Variants in HS6ST3 observed in about 807,000 individuals in gnomAD.
HS6ST3 encodes the protein heparan-sulfate 6-O-sulfotransferase 3.
HS6ST3 carries 12 observed loss-of-function variants against 36.7 expected under a neutral mutation model. The ratio of observed to expected loss-of-function variants is 0.33; its 90% CI spans 0.21 to 0.53. The LOEUF (loss-of-function observed/expected upper bound fraction) is 0.53, where lower values mean the gene tolerates loss of function less well. Ranked by LOEUF, HS6ST3 falls within the 20% of genes least tolerant of loss-of-function variation. The pLI is 0.95. For synonymous variants in HS6ST3, 240 were observed against 257.5 expected (o/e 0.93, Z 0.65); for missense variants, 584 against 640.9 (o/e 0.91, Z 0.96).
intron 1 of HS6ST3, among the ~76,000 whole-genome samples, chr13:96,617,715 A>G (rs959975803): frequency 6.6e-6 from 1 of 152,220 alleles, no homozygotes; most frequent in Non-Finnish European, 1.5e-5. Context: ...TTGGTCCCGA[A>G]GCAGCAGTAT....
chr13:96,656,330 T>C (rs891876142), intron 1 of HS6ST3, among the ~76,000 whole-genome samples: 5 of 152,184 alleles, frequency 3.3e-5, no homozygotes, highest in Admixed American at 6.6e-5. Context: ...ACAAGTTATG[T>C]ATCTTTACAA....
intron 1 of HS6ST3, among the ~76,000 whole-genome samples, chr13:96,101,454 G>A (rs1381802016): frequency 6.6e-6 from 1 of 151,760 alleles, no homozygotes. Context: ...TATTTTGGGG[G>A]AATGTGATAT....
chr13:96,318,578 G>A (rs2054988090), intron 1 of HS6ST3, among the ~76,000 whole-genome samples: 1 of 148,112 alleles, frequency 6.8e-6, no homozygotes, highest in Admixed American at 6.7e-5. Context: ...AAGAAATAAA[G>A]GTAAAGTTCT....
At chr13:96,375,253 C>G (rs1371169181) in intron 1 of HS6ST3, among the ~76,000 whole-genome samples, 3 of 151,862 alleles carry the variant, frequency 2.0e-5, no homozygotes, top group Non-Finnish European at 4.4e-5. Flanking sequence ...TTCACCTGTT[C>G]CCCTCCAACT....
intron 1 of HS6ST3, among the ~76,000 whole-genome samples, chr13:96,254,958 T>C (rs2139379860): frequency 6.6e-6 from 1 of 152,316 alleles, no homozygotes; most frequent in South Asian, 2.1e-4. Flanking sequence ...CTGTGAGAAT[T>C]TTAAGTGGAT....
In HS6ST3 at chr13:96,339,392, T is replaced by C. The variant is rs73550634; in HGVS notation, c.707+247823T>C. ...TAAAATGGGGCCAAAAAAGAAAAAA[T>C]AGCCTGAGTTATCAGGATCTCTCAT... is the stretch of plus-strand genomic sequence containing the variant. On this transcript the variant is annotated intron_variant, in intron 1 of 1. Coordinates refer to ENST00000376705, the MANE Select transcript of HS6ST3 (RefSeq NM_153456.4). Among the ~76,000 whole-genome samples the C allele has an allele frequency of 8.3e-3, 1,259 of 152,064 alleles. 18 individuals carry two copies. The highest frequency in any genetic ancestry group is 0.029 in the African/African-American group (1,189 of 41,490).
At chr13:96,643,135 A>G (rs542289419) in intron 1 of HS6ST3, among the ~76,000 whole-genome samples, 1 of 152,106 alleles carries the variant, frequency 6.6e-6, no homozygotes, top group Admixed American at 6.6e-5. Context: ...GTGTGTGGCT[A>G]CTAAAGTTCC....
chr13:96,629,493 G>C (rs1321383138), intron 1 of HS6ST3, among the ~76,000 whole-genome samples: 2 of 152,076 alleles, frequency 1.3e-5, no homozygotes, highest in African/African-American at 4.8e-5. Flanking sequence ...CTTTGTTCTT[G>C]AACATTAGTA....
chr13:96,780,699 C>A (rs753529768), intron 1 of HS6ST3, among the ~76,000 whole-genome samples: 3 of 152,252 alleles, frequency 2.0e-5, no homozygotes, highest in Admixed American at 6.5e-5. Flanking sequence ...CACCTTCTAG[C>A]TGCTGTTGAG....
At chr13:96,285,953 C>T (rs1241585673) in intron 1 of HS6ST3, among the ~76,000 whole-genome samples, 2 of 145,372 alleles carry the variant, frequency 1.4e-5, no homozygotes, top group Non-Finnish European at 3.0e-5. Context: ...TTTTCTCTTT[C>T]TCTCCTGCCT....
intron 1 of HS6ST3, among the ~76,000 whole-genome samples, chr13:96,375,528 T>A (rs2055310642): frequency 6.6e-6 from 1 of 152,216 alleles, no homozygotes; most frequent in African/African-American, 2.4e-5. Flanking sequence ...ATAAAGCACA[T>A]TTAATAAATT....
At chr13:96,194,346 A>C (rs1418666325) in intron 1 of HS6ST3, among the ~76,000 whole-genome samples, 1 of 152,122 alleles carries the variant, frequency 6.6e-6, no homozygotes, top group Non-Finnish European at 1.5e-5. Context: ...TTTTAAACAT[A>C]ATCCCTTTAG....
intron 1 of HS6ST3, among the ~76,000 whole-genome samples, chr13:96,323,130 A>C (rs1208464362): frequency 6.6e-6 from 1 of 152,082 alleles, no homozygotes; most frequent in African/African-American, 2.4e-5. Flanking sequence ...CAATACCCCC[A>C]GCCTACATAT....
intron 1 of HS6ST3, among the ~76,000 whole-genome samples, chr13:96,578,752 GT>G (rs951319990): frequency 1.3e-5 from 2 of 151,968 alleles, no homozygotes; most frequent in African/African-American, 4.8e-5. Context: ...TAGAGATGGC[GT>G]TTCACTATGT....
chr13:96,505,330 A>G (rs1442702400), intron 1 of HS6ST3, among the ~76,000 whole-genome samples: 3 of 152,168 alleles, frequency 2.0e-5, no homozygotes, highest in African/African-American at 7.2e-5. Context: ...GAGCCCCATC[A>G]TAGAATGTTC....
intron 1 of HS6ST3, among the ~76,000 whole-genome samples, chr13:96,561,068 G>T (rs927342025): frequency 6.6e-6 from 1 of 151,866 alleles, no homozygotes; most frequent in African/African-American, 2.4e-5. Context: ...AACCAAAAAA[G>T]ACTGAAGCAA....
chr13:96,725,224 T>A (rs536052454), intron 1 of HS6ST3, among the ~76,000 whole-genome samples: 131 of 152,352 alleles, frequency 8.6e-4, no homozygotes, highest in Non-Finnish European at 1.7e-3. Flanking sequence ...GTTTTTCATT[T>A]TTAATTATTC....
At chr13:96,602,897 T>A (rs2056426609) in intron 1 of HS6ST3, among the ~76,000 whole-genome samples, 1 of 152,210 alleles carries the variant, frequency 6.6e-6, no homozygotes, top group Non-Finnish European at 1.5e-5. Context: ...TGCAGTGTAC[T>A]TCCTGGGTTT....
At chr13:96,467,797 C>T (rs569620655) in intron 1 of HS6ST3, among the ~76,000 whole-genome samples, 2 of 152,216 alleles carry the variant, frequency 1.3e-5, no homozygotes, top group African/African-American at 2.4e-5. Context: ...AAATCATGTG[C>T]CCAAAGTCCT....
Sources: gnomAD v4.1 joint callset for allele counts (sites outside exome capture counted in the v4.1 genomes callset) on GRCh38, gnomAD v4.1.1 for gene constraint, MANE v1.5 for transcripts, NCBI Gene and HGNC (gene_info 2026-07-23, HGNC 2026-07-21) for gene names.